The following CHRM3 variants were observed in gnomAD, a reference collection of about 807,000 sequenced individuals.
The protein encoded by CHRM3 is cholinergic receptor muscarinic 3, also known as muscarinic acetylcholine receptor M3.
Under a neutral mutation model 41.8 loss-of-function variants are expected in CHRM3, and 11 were observed. The ratio of observed to expected loss-of-function variants is 0.26; its 90% CI spans 0.17 to 0.44. The LOEUF (loss-of-function observed/expected upper bound fraction) is 0.44. CHRM3 is among the 20% of genes least tolerant of loss of function. The probability of loss-of-function intolerance (pLI) is 1.00; values close to 1 mark genes in which losing one functional copy is unlikely to be tolerated. For synonymous variants in CHRM3, 297 were observed against 301.4 expected, an observed-to-expected ratio of 0.99 and a Z score of 0.15; for missense variants, 571 against 745.4, an observed-to-expected ratio of 0.77 and a Z score of 2.72.
At chr1:239,618,754 G>T (rs1414173262) in intron 3 of CHRM3, among the ~76,000 whole-genome samples, 1 of 147,024 alleles carries the variant, frequency 6.8e-6, no homozygotes, top group Non-Finnish European at 1.5e-5. Flanking sequence ...TGAGGCAGGA[G>T]AATGGCGTGA....
chr1:239,543,808 C>A (rs1161151302), intron 2 of CHRM3, among the ~76,000 whole-genome samples: 2 of 152,060 alleles, frequency 1.3e-5, no homozygotes, highest in African/African-American at 4.8e-5. Flanking sequence ...GCGCCCTGCC[C>A]AGCAACCGAT....
At chr1:239,545,439 C>T (rs911033374) in intron 2 of CHRM3, among the ~76,000 whole-genome samples, 1 of 152,006 alleles carries the variant, frequency 6.6e-6, no homozygotes, top group African/African-American at 2.4e-5. Context: ...ACCCGTGTAA[C>T]CAAAAACCAT....
chr1:239,482,930 T>C (rs962356337), intron 1 of CHRM3, among the ~76,000 whole-genome samples: 5 of 152,222 alleles, frequency 3.3e-5, no homozygotes, highest in Non-Finnish European at 5.9e-5. Flanking sequence ...TGTATTCTTA[T>C]ACTTCTAAAG....
chr1:239,558,399 A>C (rs1660566037), intron 3 of CHRM3, among the ~76,000 whole-genome samples: 1 of 152,192 alleles, frequency 6.6e-6, no homozygotes, highest in African/African-American at 2.4e-5. Flanking sequence ...ATAGATTGCA[A>C]AAAGTCCAGA....
At chr1:239,455,897 C>T (rs1454943219) in intron 1 of CHRM3, among the ~76,000 whole-genome samples, 1 of 152,138 alleles carries the variant, frequency 6.6e-6, no homozygotes, top group Non-Finnish European at 1.5e-5. Flanking sequence ...CTCACTGTTA[C>T]CAAAACACCA....
intron 3 of CHRM3, among the ~76,000 whole-genome samples, chr1:239,556,756 T>G (rs1660396939): frequency 6.6e-6 from 1 of 151,756 alleles, no homozygotes; most frequent in Admixed American, 6.6e-5. Flanking sequence ...ACAGAAATGG[T>G]AAAAATGTAT....
intron 2 of CHRM3, among the ~76,000 whole-genome samples, chr1:239,543,435 C>T (rs1008649117): frequency 6.6e-6 from 1 of 152,084 alleles, no homozygotes; most frequent in African/African-American, 2.4e-5. Context: ...CTAAAGCACC[C>T]CTCTTCCTGT....
intron 6 of CHRM3, among the ~76,000 whole-genome samples, chr1:239,867,162 A>G (rs1676181620): frequency 6.6e-6 from 1 of 152,254 alleles, no homozygotes; most frequent in Admixed American, 6.5e-5. Flanking sequence ...CTGGAGAGAC[A>G]TTTCTCAAAA....
intron 4 of CHRM3, among the ~76,000 whole-genome samples, chr1:239,643,668 T>G (rs1047717532): frequency 6.6e-6 from 1 of 152,220 alleles, no homozygotes; most frequent in African/African-American, 2.4e-5. Context: ...AGATGCCGTC[T>G]GTCACCCCTT....
In CHRM3 at chr1:239,623,202, GT is replaced by G. The variant is rs531009022; in HGVS notation, c.-312-9021del. 1.3e-4 allele frequency among the ~76,000 whole-genome samples: 19 copies of G among 151,914 alleles called. No homozygotes were observed. In the South Asian group the frequency reaches 3.5e-3, roughly 28 times the overall value. ...ATATGTATACATGTGCCATGTTGGT[GT>G]GCTGCACCCTTAAATCGTCATTTAC... On this transcript the variant is annotated intron_variant, in intron 3 of 6. Transcript: ENST00000676153.
At position 239,913,976 on chromosome 1, in the gene CHRM3, C is replaced by T. The variant is rs1397696999; in HGVS notation, c.*4752C>T. 6.0e-6 allele frequency: 1 copy of T among 166,830 alleles called. No homozygotes were observed. Among genetic ancestry groups the T allele is most frequent in the East Asian group, 1.9e-4 (1 of 5,166 alleles). The allele number at this position is 166,830 out of a possible 1,614,324, so 10.3% of individuals were successfully genotyped here. A position where few individuals can be genotyped will look rare whatever the true frequency, so the allele number is the denominator to read the frequency against. On this transcript the variant is annotated 3_prime_UTR_variant, in exon 7 of 7. Transcript: ENST00000676153. ...ACTCTGGTCTGGGCTGAGACCACCC[C>T]AAAAAATCATCTAGAGAATCAAAGG...
chr1:239,636,502 C>T (rs1056505878), intron 4 of CHRM3, among the ~76,000 whole-genome samples: 6 of 152,118 alleles, frequency 3.9e-5, no homozygotes, highest in African/African-American at 1.4e-4. Flanking sequence ...TCTTATCTGT[C>T]AATTAAATGA....
chr1:239,665,165 A>G (rs1673651179), intron 4 of CHRM3, among the ~76,000 whole-genome samples: 1 of 14,022 alleles, frequency 7.1e-5, no homozygotes, highest in Admixed American at 8.5e-4. Context: ...TTTTTCTCTG[A>G]AAAAAAAAAA....
chr1:239,786,033 A>G (rs1668867443), intron 5 of CHRM3, among the ~76,000 whole-genome samples: 1 of 152,180 alleles, frequency 6.6e-6, no homozygotes, highest in Non-Finnish European at 1.5e-5. Context: ...TATTTTAAAC[A>G]TATTATCTCA....
At position 239,820,677 on chromosome 1, in the gene CHRM3, C is replaced by A. The variant is rs568336368; in HGVS notation, c.-146-6575C>A. On this transcript the variant is annotated intron_variant, in intron 5 of 6. Transcript: ENST00000676153. ...TTTTGGGGTACTGGTTTGTGCGCCC[C>A]AGCAACAGGAAGATGCCATGTTGGT... Among the ~76,000 whole-genome samples, 8 of 152,096 alleles carry A rather than the reference C, an allele frequency of 5.3e-5. No individual in the cohort carries two copies. The South Asian group carries it at 1.2e-3, about 24-fold the overall frequency.
At chr1:239,783,409 G>T (rs1239108922) in intron 5 of CHRM3, among the ~76,000 whole-genome samples, 1 of 152,100 alleles carries the variant, frequency 6.6e-6, no homozygotes, top group Non-Finnish European at 1.5e-5. Context: ...GGACACAGCT[G>T]AAGATAGTAA....
At chr1:239,614,726 A>G (rs1218131359) in intron 3 of CHRM3, among the ~76,000 whole-genome samples, 4 of 152,178 alleles carry the variant, frequency 2.6e-5, no homozygotes, top group African/African-American at 4.8e-5. Context: ...CTTTTAGCTA[A>G]TTAAATAACC....
intron 5 of CHRM3, among the ~76,000 whole-genome samples, chr1:239,780,260 G>A (rs1668412922): frequency 6.6e-6 from 1 of 152,312 alleles, no homozygotes; most frequent in Non-Finnish European, 1.5e-5. Flanking sequence ...ATAAATTAAA[G>A]TTCCTACTGC....
chr1:239,513,969 C>A (rs1669093075), intron 2 of CHRM3, among the ~76,000 whole-genome samples: 1 of 152,032 alleles, frequency 6.6e-6, no homozygotes, highest in Admixed American at 6.6e-5. Flanking sequence ...TCTTTTAGGG[C>A]TCTTTTTTCT....
Sources: gnomAD v4.1 joint callset for allele counts (sites outside exome capture counted in the v4.1 genomes callset) on GRCh38, gnomAD v4.1.1 for gene constraint, MANE v1.5 for transcripts, NCBI Gene and HGNC (gene_info 2026-07-23, HGNC 2026-07-21) for gene names.